The following EPHA6 variants were observed in gnomAD, a reference collection of about 807,000 sequenced individuals.
EPHA6 encodes ephrin type-A receptor 6.
In EPHA6, 50 loss-of-function variants were observed where a neutral mutation model predicts 112.0. The observed-to-expected ratio is 0.45, with a 90% CI of 0.36 to 0.56. EPHA6 has a LOEUF of 0.56. Ranked by LOEUF, EPHA6 falls within the 20% of genes least tolerant of loss-of-function variation. EPHA6 has a pLI of 0.00. For synonymous variants in EPHA6, 529 were observed against 490.7 expected (o/e 1.08, Z -1.03); for missense variants, 1,280 against 1,417.4 (o/e 0.90, Z 1.56).
chr3:97,524,509 C>T (rs921455304), intron 10 of EPHA6, among the ~76,000 whole-genome samples: 2 of 152,028 alleles, frequency 1.3e-5, no homozygotes, highest in African/African-American at 4.8e-5. Flanking sequence ...GAGTGATTTA[C>T]ATAACCCCTT....
chr3:97,579,268 G>A (rs1396692511), intron 11 of EPHA6, among the ~76,000 whole-genome samples: 5 of 152,034 alleles, frequency 3.3e-5, no homozygotes, highest in Admixed American at 1.3e-4. Flanking sequence ...AGTTTAAACC[G>A]TTCTTTCAAT....
chr3:97,407,199 A>G (rs2087407519), intron 6 of EPHA6, among the ~76,000 whole-genome samples: 1 of 152,116 alleles, frequency 6.6e-6, no homozygotes, highest in South Asian at 2.1e-4. Context: ...AAAAGGACCT[A>G]GAAAGATCTA....
At chr3:97,105,047 G>T (rs968445254) in intron 3 of EPHA6, among the ~76,000 whole-genome samples, 1 of 150,394 alleles carries the variant, frequency 6.6e-6, no homozygotes, top group African/African-American at 2.5e-5. Context: ...TTCTTTACTA[G>T]TCTAGCTAGC....
At chr3:96,869,820 T>G (rs948450602) in intron 2 of EPHA6, among the ~76,000 whole-genome samples, 1 of 152,070 alleles carries the variant, frequency 6.6e-6, no homozygotes, top group African/African-American at 2.4e-5. Flanking sequence ...AAAATTGATG[T>G]TAGGAAAACA....
chr3:97,739,530 T>C (rs2035414115), intron 16 of EPHA6, among the ~76,000 whole-genome samples: 1 of 152,140 alleles, frequency 6.6e-6, no homozygotes, highest in South Asian at 2.1e-4. Context: ...AATTTTATAC[T>C]AACATATTGG....
At chr3:97,036,709 T>C (rs1178291737) in intron 3 of EPHA6, among the ~76,000 whole-genome samples, 4 of 152,030 alleles carry the variant, frequency 2.6e-5, no homozygotes, top group Middle Eastern at 3.2e-3. Context: ...TCACTTAACA[T>C]TTTACATTTA....
chr3:97,668,259 A>C (rs1297736365), intron 14 of EPHA6, among the ~76,000 whole-genome samples: 1 of 152,204 alleles, frequency 6.6e-6, no homozygotes, highest in East Asian at 1.9e-4. Context: ...AAACAAGTAC[A>C]AAACCTTCAT....
At chr3:97,255,090 C>T (rs1414702032) in intron 5 of EPHA6, among the ~76,000 whole-genome samples, 2 of 151,758 alleles carry the variant, frequency 1.3e-5, no homozygotes, top group African/African-American at 4.8e-5. Context: ...TTTAAGGGGT[C>T]ACAAAGGAGT....
chr3:97,664,408 T>C (rs1306244831), intron 14 of EPHA6, among the ~76,000 whole-genome samples: 5 of 152,124 alleles, frequency 3.3e-5, no homozygotes, highest in Admixed American at 6.6e-5. Context: ...TGAAAACTGG[T>C]ACAAGACAGG....
chr3:96,875,100 G>A (rs1428818290), intron 2 of EPHA6, among the ~76,000 whole-genome samples: 10 of 152,034 alleles, frequency 6.6e-5, no homozygotes, highest in Non-Finnish European at 4.4e-5. Flanking sequence ...TGGGCTGCCA[G>A]ATTGTAAATA....
intron 5 of EPHA6, among the ~76,000 whole-genome samples, chr3:97,270,803 T>G (rs1437271915): frequency 6.6e-6 from 1 of 152,202 alleles, no homozygotes; most frequent in African/African-American, 2.4e-5. Context: ...CTCAGAATAA[T>G]TTTTCCTTTT....
chr3:96,856,859 A>G (rs2035730849), intron 1 of EPHA6, among the ~76,000 whole-genome samples: 1 of 152,168 alleles, frequency 6.6e-6, no homozygotes, highest in South Asian at 2.1e-4. Flanking sequence ...ACAAATCATC[A>G]GTGAATAAGT....
At chr3:97,068,165 G>GAAAAAAAA (rs75312712) in intron 3 of EPHA6, among the ~76,000 whole-genome samples, 4 of 69,636 alleles carry the variant, frequency 5.7e-5, no homozygotes. Context: ...AAAAAAAAAA[G>GAAAAAAAA]AAAAAAAAAA....
intron 14 of EPHA6, among the ~76,000 whole-genome samples, chr3:97,651,505 C>G (rs932045282): frequency 6.6e-6 from 1 of 151,990 alleles, no homozygotes; most frequent in South Asian, 2.1e-4. Context: ...TTATAAATAT[C>G]TGCAATACAT....
intron 3 of EPHA6, among the ~76,000 whole-genome samples, chr3:96,999,150 TACTTTGGAATTGTAGTAGGCTG>T: frequency 6.6e-6 from 1 of 152,090 alleles, no homozygotes; most frequent in Non-Finnish European, 1.5e-5. Flanking sequence ...GTCTATCATG[TACTTTGGAATTGTAGTAGGCTG>T]ACTTTCTGGA....
In EPHA6 at chr3:96,814,779, C is replaced by T. The variant is rs2032619877; in HGVS notation, c.156C>T (p.Gly52=). 6.2e-7 allele frequency: 1 copy of T among 1,602,502 alleles called. No homozygotes were observed. The highest frequency in any genetic ancestry group is 2.3e-5 in the East Asian group (1 of 44,414). The change falls in exon 1 of 18, where the codon GGC becomes GGT. Residue 52 remains glycine (G), a synonymous_variant. Coordinates refer to ENST00000389672, the MANE Select transcript of EPHA6 (RefSeq NM_001080448.3). ...RRGRPGTPPA[G]RVEEEEEEEE... ...GGCGCCCCGGGACACCCCCTGCGGG[C>T]CGGGTGGAGGAGGAAGAGGAGGAGG...
Position 97,083,848 on chromosome 3 carries a change from G to GA in EPHA6, c.1114+95860dup, listed in dbSNP as rs574665309. ...GAAAAAATCTGAAAGTTCATTAATG[G>GA]AAAAATGGGTAAATGAGGTTGTTGT... On this transcript the variant is annotated intron_variant, in intron 3 of 17. Transcript: ENST00000389672. Among the ~76,000 whole-genome samples the GA allele has an allele frequency of 5.9e-5, 9 of 151,438 alleles. No individual in the cohort carries two copies. In the South Asian group the frequency reaches 1.9e-3, roughly 32 times the overall value.
chr3:97,495,781 T>C (rs763544999), intron 10 of EPHA6, among the ~76,000 whole-genome samples: 35 of 152,146 alleles, frequency 2.3e-4, no homozygotes, highest in Non-Finnish European at 4.0e-4. Context: ...TGTTTTTTCA[T>C]TATTGGAATT....
chr3:96,976,298 T>A (rs2042519022), intron 2 of EPHA6, among the ~76,000 whole-genome samples: 1 of 152,206 alleles, frequency 6.6e-6, no homozygotes, highest in South Asian at 2.1e-4. Flanking sequence ...GTCCAGTGCA[T>A]GCTTCTTGTC....
Sources: gnomAD v4.1 joint callset for allele counts (sites outside exome capture counted in the v4.1 genomes callset) on GRCh38, gnomAD v4.1.1 for gene constraint, MANE v1.5 for transcripts, NCBI Gene and HGNC (gene_info 2026-07-23, HGNC 2026-07-21) for gene names.